Variants in GRIK2 observed in about 807,000 individuals in gnomAD.
GRIK2 encodes glutamate receptor ionotropic, kainate 2.
Under a neutral mutation model 100.3 loss-of-function variants are expected in GRIK2, and 32 were observed. The ratio of observed to expected loss-of-function variants is 0.32; its 90% confidence interval spans 0.24 to 0.43. The LOEUF (loss-of-function observed/expected upper bound fraction) is 0.43. Among genes scored for constraint, GRIK2 ranks in the 20% least tolerant of loss-of-function variants. The probability of loss-of-function intolerance (pLI) is 1.00; values close to 1 mark genes in which losing one functional copy is unlikely to be tolerated. For missense variants in GRIK2, 843 were observed against 1,114.9 expected (o/e 0.76, Z 3.47); for synonymous variants, 417 against 389.4 (o/e 1.07, Z -0.83).
intron 7 of GRIK2, among the ~76,000 whole-genome samples, chr6:101,720,369 C>G (rs890345011): frequency 3.3e-5 from 5 of 152,024 alleles, no homozygotes; most frequent in African/African-American, 9.6e-5. Context: ...TATTCTCATA[C>G]CATATATGTT....
intron 15 of GRIK2, among the ~76,000 whole-genome samples, chr6:102,051,565 A>G (rs886759702): frequency 2.6e-5 from 4 of 152,110 alleles, no homozygotes; most frequent in African/African-American, 9.7e-5. Flanking sequence ...TTATTTGTCA[A>G]TGTTTTAAAT....
At chr6:101,651,184 GA>G (rs1582894018) in intron 4 of GRIK2, among the ~76,000 whole-genome samples, 1 of 151,934 alleles carries the variant, frequency 6.6e-6, no homozygotes. Flanking sequence ...TGAATCCTTA[GA>G]AAAAACAATG....
chr6:102,039,127 C>T (rs963098907), intron 15 of GRIK2, among the ~76,000 whole-genome samples: 14 of 151,548 alleles, frequency 9.2e-5, no homozygotes, highest in African/African-American at 3.4e-4. Context: ...GGGGCCTCCC[C>T]ATCACCATTC....
At chr6:102,053,439 T>C (rs2114498574) in intron 15 of GRIK2, among the ~76,000 whole-genome samples, 1 of 152,250 alleles carries the variant, frequency 6.6e-6, no homozygotes, top group South Asian at 2.1e-4. Flanking sequence ...TCAAGCACCA[T>C]GTTATTGCTC....
At chr6:101,476,992 A>C (rs1772268466) in intron 2 of GRIK2, among the ~76,000 whole-genome samples, 1 of 152,188 alleles carries the variant, frequency 6.6e-6, no homozygotes, top group Non-Finnish European at 1.5e-5. Flanking sequence ...AACAATGGTT[A>C]ATTTAAATAT....
intron 9 of GRIK2, among the ~76,000 whole-genome samples, chr6:101,811,432 G>A (rs947668373): frequency 1.3e-5 from 2 of 151,914 alleles, no homozygotes; most frequent in African/African-American, 4.8e-5. Flanking sequence ...AATATTTTGT[G>A]AGTCAATGCC....
At chr6:101,588,832 T>C (rs1778511471) in intron 2 of GRIK2, among the ~76,000 whole-genome samples, 2 of 151,870 alleles carry the variant, frequency 1.3e-5, no homozygotes, top group South Asian at 4.2e-4. Context: ...ATAATAAAAA[T>C]ATGTATATAT....
chr6:101,947,743 A>G (rs189758949), intron 14 of GRIK2, among the ~76,000 whole-genome samples: 1 of 152,306 alleles, frequency 6.6e-6, no homozygotes, highest in East Asian at 1.9e-4. Flanking sequence ...GGTCCGCACC[A>G]TGATCCCAAA....
At chr6:102,021,955 G>A (rs527617020) in intron 14 of GRIK2, among the ~76,000 whole-genome samples, 48 of 122,808 alleles carry the variant, frequency 3.9e-4, no homozygotes, top group Middle Eastern at 4.1e-3. Flanking sequence ...TGATACATTC[G>A]GAAAAAAAAA....
At chr6:101,586,523 C>G (rs616917) in intron 2 of GRIK2, among the ~76,000 whole-genome samples, 44,862 of 151,542 alleles carry the variant, frequency 0.3, 8,253 homozygotes, top group Non-Finnish European at 0.41. Context: ...GGAAAAAATT[C>G]CCTCTCAGGA....
At chr6:101,439,199 A>G (rs900499066) in intron 2 of GRIK2, among the ~76,000 whole-genome samples, 3 of 152,060 alleles carry the variant, frequency 2.0e-5, no homozygotes, top group South Asian at 2.1e-4. Context: ...GATTATTCTT[A>G]CTGTTCATTG....
chr6:101,433,796 A>C (rs1240415858), intron 2 of GRIK2, among the ~76,000 whole-genome samples: 4 of 152,042 alleles, frequency 2.6e-5, no homozygotes, highest in Non-Finnish European at 5.9e-5. Context: ...AAAAGAGAAA[A>C]CTCTACATTT....
intron 2 of GRIK2, among the ~76,000 whole-genome samples, chr6:101,460,507 C>A (rs542329312): frequency 2.0e-5 from 3 of 152,168 alleles, no homozygotes; most frequent in Admixed American, 1.3e-4. Flanking sequence ...GCATTCTTAT[C>A]ATTAACAGGA....
At chr6:101,640,626 G>T (rs545243155) in intron 4 of GRIK2, among the ~76,000 whole-genome samples, 2 of 152,246 alleles carry the variant, frequency 1.3e-5, no homozygotes, top group East Asian at 3.9e-4. Flanking sequence ...GTATAACCCA[G>T]TCAAGTTGTC....
At chr6:101,667,783 G>A (rs1458917103) in intron 4 of GRIK2, among the ~76,000 whole-genome samples, 1 of 152,034 alleles carries the variant, frequency 6.6e-6, no homozygotes, top group Admixed American at 6.6e-5. Context: ...AAATAATCAA[G>A]AGATTTTAAT....
chr6:101,827,636 A>T (rs971900181), intron 10 of GRIK2, among the ~76,000 whole-genome samples: 1 of 151,906 alleles, frequency 6.6e-6, no homozygotes, highest in African/African-American at 2.4e-5. Context: ...TTTTTGTATT[A>T]GATAAAAAGA....
At chr6:101,931,691 A>G (rs958214837) in intron 14 of GRIK2, among the ~76,000 whole-genome samples, 4 of 152,104 alleles carry the variant, frequency 2.6e-5, no homozygotes, top group Non-Finnish European at 5.9e-5. Flanking sequence ...TACACACCAC[A>G]CAGACTCTCC....
intron 2 of GRIK2, among the ~76,000 whole-genome samples, chr6:101,519,287 T>C (rs1019036087): frequency 6.8e-6 from 1 of 148,106 alleles, no homozygotes; most frequent in Non-Finnish European, 1.5e-5. Context: ...TAATGGCGCA[T>C]TGCGGAGTTA....
At chr6:101,876,439 C>A (rs543282109) in intron 11 of GRIK2, among the ~76,000 whole-genome samples, 7 of 151,050 alleles carry the variant, frequency 4.6e-5, no homozygotes, top group Admixed American at 6.6e-5. Flanking sequence ...GAAATGAAAA[C>A]AAGTCTAAAT....
Sources: allele counts gnomAD v4.1 joint callset (sites outside exome capture counted in the v4.1 genomes callset), GRCh38; gene constraint gnomAD v4.1.1; transcripts MANE v1.5; gene names NCBI Gene and HGNC (gene_info 2026-07-23, HGNC 2026-07-21).